SEC22A: variants seen among roughly 807,000 people sequenced by gnomAD.
The protein encoded by SEC22A is vesicle-trafficking protein SEC22a.
Under a neutral mutation model 35.3 loss-of-function variants are expected in SEC22A, and 22 were observed. That is an observed-to-expected ratio of 0.62 (90% CI 0.45 to 0.89). The LOEUF (loss-of-function observed/expected upper bound fraction) is 0.89, where lower values mean the gene tolerates loss of function less well. SEC22A is among the 40% of genes least tolerant of loss of function. The pLI, the probability that SEC22A is intolerant of heterozygous loss-of-function variation, is 0.00. For missense variants in SEC22A, 354 were observed against 362.5 expected, an observed-to-expected ratio of 0.98 and a Z score of 0.19; for synonymous variants, 119 against 129.5, an observed-to-expected ratio of 0.92 and a Z score of 0.55.
Position 123,209,387 on chromosome 3 carries a change from AT to A in SEC22A, c.172del (p.Tyr58IlefsTer11), listed in dbSNP as rs1446624302. On this transcript the variant is annotated frameshift_variant, in exon 2 of 7. Coordinates refer to ENST00000492595, the MANE Select transcript of SEC22A (RefSeq NM_012430.5). LOFTEE classifies it high-confidence loss of function. ...GATAGATGTACACTGAAAACTGGACATTATAACATTAAGTAAGACTTCAGTT... is the reference window on the plus strand; with the variant it reads ...GATAGATGTACACTGAAAACTGGACATATAACATTAAGTAAGACTTCAGTT... ...LPDRCTLKTGHYNINFISSLG... is the reference protein window; with the variant it reads ...LPDRCTLKTGXYNINFISSLG... 1 of 1,609,920 alleles carries A rather than the reference AT, an allele frequency of 6.2e-7. No homozygotes were observed. The highest frequency in any genetic ancestry group is 8.5e-7 in the Non-Finnish European group (1 of 1,176,826).
At chr3:123,267,398 G>T in intron 6 of SEC22A, among the ~76,000 whole-genome samples, 1 of 150,438 alleles carries the variant, frequency 6.6e-6, no homozygotes, top group East Asian at 1.9e-4. Context: ...TTAAATGATT[G>T]CTGTAGGCAT....
chr3:123,202,388 G>T (rs1178475441), intron 1 of SEC22A, among the ~76,000 whole-genome samples: 1 of 152,218 alleles, frequency 6.6e-6, no homozygotes, highest in Non-Finnish European at 1.5e-5. Flanking sequence ...TACCTGTGTA[G>T]GTGGCCCATG....
chr3:123,206,813 C>T (rs562231617), intron 1 of SEC22A, among the ~76,000 whole-genome samples: 4 of 152,272 alleles, frequency 2.6e-5, no homozygotes, highest in East Asian at 3.9e-4. Context: ...AGAGGCTGGG[C>T]GTGGTAGCTC....
chr3:123,265,648 T>G (rs1337014187), intron 6 of SEC22A, among the ~76,000 whole-genome samples: 1 of 152,184 alleles, frequency 6.6e-6, no homozygotes, highest in Non-Finnish European at 1.5e-5. Flanking sequence ...GTTTCTCTAC[T>G]ATGTTTTTTC....
At chr3:123,256,151 CCTCT>C (rs1937725530) in intron 5 of SEC22A, among the ~76,000 whole-genome samples, 1 of 152,036 alleles carries the variant, frequency 6.6e-6, no homozygotes, top group Non-Finnish European at 1.5e-5. Flanking sequence ...GTGTTTTGTT[CCTCT>C]CTCTAATCTA....
chr3:123,245,635 G>A (rs1271919734), intron 4 of SEC22A, among the ~76,000 whole-genome samples: 1 of 152,014 alleles, frequency 6.6e-6, no homozygotes, highest in Non-Finnish European at 1.5e-5. Context: ...TGAGTTTGAG[G>A]CTTGTAGCGA....
At chr3:123,261,028 C>T (rs139453336) in intron 6 of SEC22A, among the ~76,000 whole-genome samples, 242 of 151,782 alleles carry the variant, frequency 1.6e-3, no homozygotes, top group African/African-American at 4.0e-3. Flanking sequence ...GTAGAGATGA[C>T]GTTTCACCAT....
chr3:123,248,378 T>C (rs1306799272), intron 5 of SEC22A, among the ~76,000 whole-genome samples: 1 of 152,182 alleles, frequency 6.6e-6, no homozygotes, highest in Non-Finnish European at 1.5e-5. Flanking sequence ...AATAAGTAAT[T>C]ATAGCAAGAT....
chr3:123,269,706 C>A (rs929975333), intron 6 of SEC22A, among the ~76,000 whole-genome samples: 4 of 140,686 alleles, frequency 2.8e-5, no homozygotes, highest in Non-Finnish European at 6.1e-5. Flanking sequence ...GATCTCGGCT[C>A]ACTGCAACCT....
In SEC22A at chr3:123,245,879, CTA is replaced by C; in HGVS notation, c.542-18_542-17del. 7.2e-7 allele frequency: 1 copy of C among 1,391,870 alleles called. No individual in the cohort carries two copies. Among genetic ancestry groups the C allele is most frequent in the Non-Finnish European group, 1.0e-6 (1 of 982,472 alleles). The allele number at this position is 1,391,870 out of a possible 1,614,324, so 86.2% of individuals were successfully genotyped here. A position where few individuals can be genotyped will look rare whatever the true frequency, so the allele number is the denominator to read the frequency against. On this transcript the variant is annotated intron_variant, in intron 4 of 6. Transcript: ENST00000492595. ...GTGAGGTATTGGTGTTCATTTCTAA[CTA>C]TTTCTTTTATTTTCCAGCTCACCAG...
At chr3:123,235,107 G>C (rs1403198818) in intron 4 of SEC22A, among the ~76,000 whole-genome samples, 1 of 151,956 alleles carries the variant, frequency 6.6e-6, no homozygotes, top group Non-Finnish European at 1.5e-5. Context: ...TGCCCAGGCT[G>C]GTCTCGCACT....
intron 5 of SEC22A, among the ~76,000 whole-genome samples, chr3:123,254,995 G>A (rs1937690498): frequency 6.8e-6 from 1 of 146,514 alleles, no homozygotes; most frequent in Admixed American, 7.2e-5. Context: ...TCTCTTTTCT[G>A]CTCCTGTAAT....
chr3:123,225,250 C>A lies in SEC22A; in HGVS notation c.494C>A (p.Thr165Lys), dbSNP rs1937200440. The A allele has an allele frequency of 2.5e-6, 4 of 1,613,392 alleles. No homozygotes were observed. The highest frequency in any genetic ancestry group is 3.4e-6 in the Non-Finnish European group (4 of 1,179,470). Residue 165 changes from threonine (T) to lysine (K), a missense_variant, in exon 4 of 7, where the codon ACA (threonine) becomes AAA (lysine). Thr to Lys is a moderately conservative substitution (Grantham distance 78). Coordinates refer to ENST00000492595, the MANE Select transcript of SEC22A (RefSeq NM_012430.5). Reference sequence around the variant, plus strand: ...GAACTGGGGTCAGCCAATGGAGTCACATCAGCATTTTCTGTTGACTGTAAA... The same window carrying A: ...GAACTGGGGTCAGCCAATGGAGTCAAATCAGCATTTTCTGTTGACTGTAAA... ...MCELGSANGV[T>K]SAFSVDCKGA...
chr3:123,215,045 A>G (rs756885385), intron 2 of SEC22A, among the ~76,000 whole-genome samples: 28 of 152,210 alleles, frequency 1.8e-4, no homozygotes, highest in Non-Finnish European at 3.1e-4. Flanking sequence ...TCTGATTACT[A>G]GAGTAACAAC....
intron 3 of SEC22A, among the ~76,000 whole-genome samples, chr3:123,224,875 G>A (rs1469431508): frequency 2.0e-5 from 3 of 152,116 alleles, no homozygotes; most frequent in Non-Finnish European, 4.4e-5. Context: ...ATACACTTAG[G>A]TAGTGTTAAA....
chr3:123,215,786 A>G (rs1937011000), intron 2 of SEC22A, among the ~76,000 whole-genome samples: 1 of 152,144 alleles, frequency 6.6e-6, no homozygotes, highest in African/African-American at 2.4e-5. Flanking sequence ...TGTGTTCCTA[A>G]TTCTCCCAAT....
At chr3:123,204,177 T>C (rs1297809773) in intron 1 of SEC22A, among the ~76,000 whole-genome samples, 1 of 152,216 alleles carries the variant, frequency 6.6e-6, no homozygotes, top group Non-Finnish European at 1.5e-5. Flanking sequence ...CACACATACA[T>C]ATTTGAATGA....
intron 4 of SEC22A, among the ~76,000 whole-genome samples, chr3:123,241,949 GAAAA>G (rs200139005): frequency 4.8e-5 from 7 of 144,882 alleles, no homozygotes; most frequent in South Asian, 4.4e-4. Flanking sequence ...CACTTTTCTG[GAAAA>G]AAAAAAAAAA....
intron 4 of SEC22A, among the ~76,000 whole-genome samples, chr3:123,241,248 C>A (rs897001760): frequency 1.3e-5 from 2 of 152,196 alleles, no homozygotes; most frequent in East Asian, 3.9e-4. Flanking sequence ...GGTCTTGGAG[C>A]CTTGAAGGAT....
Sources: allele counts gnomAD v4.1 joint callset (sites outside exome capture counted in the v4.1 genomes callset), GRCh38; gene constraint gnomAD v4.1.1; transcripts MANE v1.5; gene names NCBI Gene and HGNC (gene_info 2026-07-23, HGNC 2026-07-21).